PKNOX2: variants seen among roughly 807,000 people sequenced by gnomAD.
PKNOX2 encodes the protein homeobox protein PKNOX2.
Under a neutral mutation model 53.1 loss-of-function variants are expected in PKNOX2, and 14 were observed. That is an observed-to-expected ratio of 0.26 (90% CI 0.17 to 0.41). The LOEUF (loss-of-function observed/expected upper bound fraction) is 0.41, where lower values mean the gene tolerates loss of function less well. Among genes scored for constraint, PKNOX2 ranks in the 10% least tolerant of loss-of-function variants. PKNOX2 has a pLI of 1.00. For synonymous variants in PKNOX2, 257 were observed against 242.8 expected, an observed-to-expected ratio of 1.06 and a Z score of -0.54; for missense variants, 496 against 602.8, an observed-to-expected ratio of 0.82 and a Z score of 1.85.
At chr11:125,300,530 A>T (rs1230505717) in intron 2 of PKNOX2, among the ~76,000 whole-genome samples, 1 of 152,174 alleles carries the variant, frequency 6.6e-6, no homozygotes, top group African/African-American at 2.4e-5. Context: ...AATCACCATT[A>T]CATGAAAAGG....
At chr11:125,229,506 A>G (rs1449832523) in intron 1 of PKNOX2, among the ~76,000 whole-genome samples, 1 of 152,218 alleles carries the variant, frequency 6.6e-6, no homozygotes, top group Non-Finnish European at 1.5e-5. Flanking sequence ...GCAAGAGTCA[A>G]CCTTGGGGCT....
At chr11:125,364,190 C>T (rs1253117691) in intron 4 of PKNOX2, among the ~76,000 whole-genome samples, 1 of 152,190 alleles carries the variant, frequency 6.6e-6, no homozygotes, top group East Asian at 1.9e-4. Context: ...AGCTCCAGTT[C>T]CTGGGAAGTG....
At chr11:125,405,533 C>T (rs886228344) in intron 7 of PKNOX2, among the ~76,000 whole-genome samples, 13 of 152,204 alleles carry the variant, frequency 8.5e-5, no homozygotes, top group African/African-American at 3.1e-4. Flanking sequence ...CACAGCTTCT[C>T]ATCGTTTCTT....
rs1949521681 is a variant in PKNOX2, at chr11:125,321,660, G to A, written c.-129-10159G>A. Among the ~76,000 whole-genome samples the A allele has an allele frequency of 2.0e-5, 3 of 152,202 alleles. No homozygotes were observed. In the South Asian group the frequency reaches 6.2e-4, roughly 31 times the overall value. ...CAGTGGGAAACAGCCATAGACAATA[G>A]TAAACAAATGGGCGTGGCTGTGTTC... On this transcript the variant is annotated intron_variant, in intron 2 of 12. Transcript: ENST00000298282.
intron 2 of PKNOX2, among the ~76,000 whole-genome samples, chr11:125,315,303 G>GAAAAAAAAAAAAAAA (rs534448203): frequency 1.6e-4 from 13 of 79,440 alleles, no homozygotes; most frequent in African/African-American, 5.1e-4. Flanking sequence ...TGTGAAGCAG[G>GAAAAAAAAAAAAAAA]AAAAAAAAAA....
intron 2 of PKNOX2, among the ~76,000 whole-genome samples, chr11:125,313,268 G>A (rs996457572): frequency 2.0e-5 from 3 of 152,170 alleles, no homozygotes; most frequent in Admixed American, 2.0e-4. Flanking sequence ...ACAGAGGGTG[G>A]GCAGGAGGGA....
rs185287904 is a variant in PKNOX2, at chr11:125,389,401, C to T, written c.399+3679C>T. 1.8e-3 allele frequency among the ~76,000 whole-genome samples: 274 copies of T among 152,320 alleles called. 1 individual carries two copies. The highest frequency in any genetic ancestry group is 4.0e-3 in the Admixed American group (61 of 15,302). On this transcript the variant is annotated intron_variant, in intron 6 of 12. Transcript: ENST00000298282. ...TAAAAGTGCCCCCGATATCTCTTTC[C>T]GTACACCCACACTCTACCTCCCCAT...
At chr11:125,167,324 G>A (rs1180161054) in intron 1 of PKNOX2, among the ~76,000 whole-genome samples, 1 of 152,154 alleles carries the variant, frequency 6.6e-6, no homozygotes, top group East Asian at 1.9e-4. Flanking sequence ...TACAGGACAC[G>A]GAAGACGCAC....
At chr11:125,334,164 C>T (rs1440132552) in intron 3 of PKNOX2, among the ~76,000 whole-genome samples, 1 of 152,150 alleles carries the variant, frequency 6.6e-6, no homozygotes, top group Non-Finnish European at 1.5e-5. Flanking sequence ...GACTCCAGCT[C>T]CTTCTCTTCC....
At chr11:125,197,500 A>G (rs1937860627) in intron 1 of PKNOX2, among the ~76,000 whole-genome samples, 1 of 152,104 alleles carries the variant, frequency 6.6e-6, no homozygotes, top group Non-Finnish European at 1.5e-5. Flanking sequence ...TCAGCCCAAG[A>G]GCTGCCTAAG....
At chr11:125,274,090 T>C (rs1360734326) in intron 2 of PKNOX2, among the ~76,000 whole-genome samples, 1 of 152,222 alleles carries the variant, frequency 6.6e-6, no homozygotes, top group Admixed American at 6.5e-5. Context: ...TAGTGTGTAT[T>C]CTGTGCCTAA....
chr11:125,294,170 A>T (rs998221987), intron 2 of PKNOX2, among the ~76,000 whole-genome samples: 1 of 152,250 alleles, frequency 6.6e-6, no homozygotes, highest in African/African-American at 2.4e-5. Context: ...TAACACATTA[A>T]GCAGAAACAC....
At chr11:125,195,889 ACACAC>A in intron 1 of PKNOX2, among the ~76,000 whole-genome samples, 1 of 53,558 alleles carries the variant, frequency 1.9e-5, no homozygotes, top group Non-Finnish European at 4.5e-5. Flanking sequence ...ACATGCACAC[ACACAC>A]ACACACACAC....
intron 2 of PKNOX2, among the ~76,000 whole-genome samples, chr11:125,330,636 C>T (rs1280314993): frequency 6.6e-6 from 1 of 152,136 alleles, no homozygotes; most frequent in Non-Finnish European, 1.5e-5. Flanking sequence ...AAACCTCCCT[C>T]AGGATCCCAG....
intron 1 of PKNOX2, among the ~76,000 whole-genome samples, chr11:125,173,067 A>G (rs1313225951): frequency 3.6e-5 from 3 of 83,162 alleles, no homozygotes; most frequent in African/African-American, 1.2e-4. Context: ...ACAGCTAAGC[A>G]GTGTGCACAT....
intron 2 of PKNOX2, among the ~76,000 whole-genome samples, chr11:125,315,587 T>A (rs1949129245): frequency 6.6e-6 from 1 of 152,160 alleles, no homozygotes; most frequent in East Asian, 1.9e-4. Context: ...AGGGTGCAGC[T>A]GGCAGACTGC....
intron 10 of PKNOX2, among the ~76,000 whole-genome samples, chr11:125,416,176 G>A (rs12282208): frequency 0.075 from 11,324 of 150,904 alleles, 1,393 homozygotes; most frequent in African/African-American, 0.26. Flanking sequence ...GGTGGCGGGC[G>A]CCTGTAGTCC....
At chr11:125,219,873 G>C (rs1167958310) in intron 1 of PKNOX2, among the ~76,000 whole-genome samples, 2 of 152,168 alleles carry the variant, frequency 1.3e-5, no homozygotes, top group Non-Finnish European at 2.9e-5. Context: ...ATATGCCTTT[G>C]ACCCAGCAAT....
chr11:125,414,777 C>T (rs563091572), intron 10 of PKNOX2, among the ~76,000 whole-genome samples: 1 of 151,836 alleles, frequency 6.6e-6, no homozygotes, highest in East Asian at 1.9e-4. Flanking sequence ...ATACTTATTT[C>T]CCATGGTTGT....
Sources: gnomAD v4.1 joint callset for allele counts (sites outside exome capture counted in the v4.1 genomes callset) on GRCh38, gnomAD v4.1.1 for gene constraint, MANE v1.5 for transcripts, NCBI Gene and HGNC (gene_info 2026-07-23, HGNC 2026-07-21) for gene names.